The following OCA2 variants were observed in gnomAD, a reference collection of about 807,000 sequenced individuals.
The protein encoded by OCA2 is OCA2 melanosomal transmembrane protein, also known as P protein.
OCA2 carries 77 observed loss-of-function variants against 100.2 expected under a neutral mutation model. That is an observed-to-expected ratio of 0.77 (90% CI 0.64 to 0.93). The LOEUF is 0.93. Among genes scored for constraint, OCA2 ranks in the 40% least tolerant of loss-of-function variants. The pLI is 0.00. For missense variants in OCA2, 1,062 were observed against 1,089.1 expected, an observed-to-expected ratio of 0.98 and a Z score of 0.35; for synonymous variants, 432 against 439.2, an observed-to-expected ratio of 0.98 and a Z score of 0.21.
At chr15:27,991,906 A>G (rs1195684422) in intron 9 of OCA2, among the ~76,000 whole-genome samples, 2 of 152,188 alleles carry the variant, frequency 1.3e-5, no homozygotes, top group South Asian at 2.1e-4. Context: ...GACTAAAATT[A>G]TATCATTTAT....
chr15:27,839,073 G>T (rs2035254808), intron 23 of OCA2, among the ~76,000 whole-genome samples: 1 of 152,148 alleles, frequency 6.6e-6, no homozygotes, highest in East Asian at 1.9e-4. Flanking sequence ...AGAAAGAAGG[G>T]AAGAGAAAAG....
chr15:28,062,051 G>T (rs977849775), intron 2 of OCA2, among the ~76,000 whole-genome samples: 2 of 152,168 alleles, frequency 1.3e-5, no homozygotes, highest in African/African-American at 4.8e-5. Context: ...TTTTACACAG[G>T]CATGTCTTTT....
At chr15:28,073,856 G>A (rs1202803360) in intron 2 of OCA2, among the ~76,000 whole-genome samples, 2 of 152,092 alleles carry the variant, frequency 1.3e-5, no homozygotes, top group Non-Finnish European at 2.9e-5. Context: ...TGATTTCCAG[G>A]GGTTAAAGAT....
chr15:28,011,354 G>A (rs899284432), intron 9 of OCA2, among the ~76,000 whole-genome samples: 1 of 152,128 alleles, frequency 6.6e-6, no homozygotes, highest in Non-Finnish European at 1.5e-5. Context: ...TGTAGTCCCA[G>A]CTACTCGGGA....
chr15:27,926,274 CATAGAG>C lies in OCA2; in HGVS notation c.1952-26_1952-21del. ...TCCATCCTGAAAATAAGTAAATAGACATAGAGATATAGTTCCACTGTTAACACACCG... is the reference window on the plus strand; with the variant it reads ...TCCATCCTGAAAATAAGTAAATAGACATATAGTTCCACTGTTAACACACCG... On this transcript the variant is annotated intron_variant, in intron 18 of 23. Coordinates refer to ENST00000354638, the MANE Select transcript of OCA2 (RefSeq NM_000275.3). 1.2e-6 allele frequency: 2 copies of C among 1,613,762 alleles called. No individual in the cohort carries two copies. Among genetic ancestry groups the C allele is most frequent in the Non-Finnish European group, 1.7e-6 (2 of 1,179,690 alleles).
chr15:28,048,353 A>G, intron 2 of OCA2, among the ~76,000 whole-genome samples: 1 of 152,194 alleles, frequency 6.6e-6, no homozygotes, highest in Middle Eastern at 3.2e-3. Flanking sequence ...ACTTACTACA[A>G]TGGAATACAA....
At chr15:27,746,496 A>G in the OCA2 span, among the ~76,000 whole-genome samples, 16 of 138,518 alleles carry the variant, frequency 1.2e-4, 1 homozygote, top group African/African-American at 4.0e-4. Context: ...ATAAATAAAT[A>G]GAACTTTTTT....
intron 19 of OCA2, among the ~76,000 whole-genome samples, chr15:27,910,268 C>T (rs2038337615): frequency 6.6e-6 from 1 of 152,232 alleles, no homozygotes. Flanking sequence ...CAGCACAACT[C>T]TTGCAGAGGG....
At chr15:27,721,708 G>A in the OCA2 span, among the ~76,000 whole-genome samples, 11 of 152,178 alleles carry the variant, frequency 7.2e-5, no homozygotes, top group African/African-American at 2.2e-4. Context: ...GTTTATGTTT[G>A]TGTGGTATTC....
intron 1 of OCA2, among the ~76,000 whole-genome samples, chr15:28,095,960 G>T (rs1313766247): frequency 6.6e-6 from 1 of 152,176 alleles, no homozygotes; most frequent in Non-Finnish European, 1.5e-5. Context: ...GCGCTGCTCA[G>T]CCCCAAGGCG....
chr15:27,799,175 G>A (rs1412779593), intron 23 of OCA2, among the ~76,000 whole-genome samples: 1 of 152,220 alleles, frequency 6.6e-6, no homozygotes. Context: ...TTCTGCATTT[G>A]CAAAGATGGA....
intron 23 of OCA2, among the ~76,000 whole-genome samples, chr15:27,822,674 G>A (rs959330624): frequency 6.6e-6 from 1 of 152,078 alleles, no homozygotes; most frequent in African/African-American, 2.4e-5. Context: ...TATTATTACT[G>A]TCTACTGGGT....
intron 10 of OCA2, among the ~76,000 whole-genome samples, chr15:27,990,346 C>A (rs1049321723): frequency 1.3e-5 from 2 of 152,240 alleles, no homozygotes; most frequent in Admixed American, 6.5e-5. Flanking sequence ...CTTTCCTCCA[C>A]CACGATGAGG....
intron 18 of OCA2, among the ~76,000 whole-genome samples, chr15:27,941,714 T>C (rs1341029249): frequency 6.6e-6 from 1 of 152,178 alleles, no homozygotes; most frequent in Admixed American, 6.5e-5. Flanking sequence ...CATCCTCATA[T>C]GTGTGCATGA....
intron 2 of OCA2, among the ~76,000 whole-genome samples, chr15:28,033,640 C>T (rs951758387): frequency 1.3e-4 from 20 of 152,218 alleles, no homozygotes; most frequent in African/African-American, 4.1e-4. Context: ...AGAGACTTAA[C>T]GGCCAGTAGA....
At chr15:27,857,955 T>C (rs1466775653) in intron 21 of OCA2, among the ~76,000 whole-genome samples, 1 of 151,654 alleles carries the variant, frequency 6.6e-6, no homozygotes, top group Non-Finnish European at 1.5e-5. Context: ...AAAATAACTA[T>C]TAAAATATAC....
intron 6 of OCA2, among the ~76,000 whole-genome samples, chr15:28,021,362 C>G (rs1160985499): frequency 6.6e-6 from 1 of 152,176 alleles, no homozygotes; most frequent in East Asian, 1.9e-4. Context: ...CAGTTAACCG[C>G]CCACTCCTGA....
chr15:27,936,183 T>C (rs1448469102), intron 18 of OCA2, among the ~76,000 whole-genome samples: 1 of 152,212 alleles, frequency 6.6e-6, no homozygotes, highest in African/African-American at 2.4e-5. Context: ...TCTAGCTCTC[T>C]CACTTACCCA....
intron 3 of OCA2, among the ~76,000 whole-genome samples, chr15:28,031,219 T>C (rs1372672299): frequency 6.6e-6 from 1 of 152,240 alleles, no homozygotes; most frequent in Non-Finnish European, 1.5e-5. Flanking sequence ...CTTTTCAGCT[T>C]TGGAGCACTG....
Sources: gnomAD v4.1 joint callset for allele counts (sites outside exome capture counted in the v4.1 genomes callset) on GRCh38, gnomAD v4.1.1 for gene constraint, MANE v1.5 for transcripts, NCBI Gene and HGNC (gene_info 2026-07-23, HGNC 2026-07-21) for gene names.